KIF21A: variants seen among roughly 807,000 people sequenced by gnomAD.
The protein encoded by KIF21A is kinesin family member 21A, also known as kinesin-like protein KIF21A.
A neutral mutation model predicts 202.9 loss-of-function variants in KIF21A; 114 were observed. The ratio of observed to expected loss-of-function variants is 0.56; its 90% confidence interval spans 0.48 to 0.66. The LOEUF is 0.66. KIF21A is among the 30% of genes least tolerant of loss of function. The pLI, the probability that KIF21A is intolerant of heterozygous loss-of-function variation, is 0.00. For synonymous variants in KIF21A, 667 were observed against 670.8 expected (o/e 0.99, Z 0.09); for missense variants, 1,677 against 1,994.9 (o/e 0.84, Z 3.04).
chr12:39,438,449 A>G (rs1939120667), intron 1 of KIF21A, among the ~76,000 whole-genome samples: 1 of 152,152 alleles, frequency 6.6e-6, no homozygotes, highest in Non-Finnish European at 1.5e-5. Flanking sequence ...CAGCATTGGG[A>G]AAAAGAAAAG....
chr12:39,327,180 G>T (rs1449613745), intron 24 of KIF21A, among the ~76,000 whole-genome samples: 5 of 151,914 alleles, frequency 3.3e-5, no homozygotes, highest in Admixed American at 3.3e-4. Context: ...AATATATAGG[G>T]TTCATCCCCT....
At chr12:39,392,551 G>T (rs577330740) in intron 1 of KIF21A, among the ~76,000 whole-genome samples, 1 of 151,964 alleles carries the variant, frequency 6.6e-6, no homozygotes. Context: ...CCCAGCTCTT[G>T]CACACCCTTT....
At chr12:39,315,302 T>C in intron 30 of KIF21A, 62 bp from the exon 31 acceptor site, 2 of 1,449,654 alleles carry the variant, frequency 1.4e-6, no homozygotes, top group Non-Finnish European at 1.9e-6. Context: ...AGGGAGGACA[T>C]AAAATGATAA....
At chr12:39,307,201 T>A (rs544893150) in intron 34 of KIF21A, among the ~76,000 whole-genome samples, 2 of 152,298 alleles carry the variant, frequency 1.3e-5, no homozygotes, top group South Asian at 4.1e-4. Flanking sequence ...ATATAAGATG[T>A]TTAAACGATG....
At chr12:39,381,634 G>A (rs563493256) in intron 1 of KIF21A, among the ~76,000 whole-genome samples, 1 of 152,258 alleles carries the variant, frequency 6.6e-6, no homozygotes, top group African/African-American at 2.4e-5. Context: ...ACAAGTGACA[G>A]CTCAAAGCCA....
At chr12:39,434,617 C>T (rs756945863) in intron 1 of KIF21A, among the ~76,000 whole-genome samples, 15 of 152,178 alleles carry the variant, frequency 9.9e-5, no homozygotes, top group Non-Finnish European at 1.9e-4. Flanking sequence ...CCATGCAATG[C>T]TCATTTTATT....
intron 37 of KIF21A, among the ~76,000 whole-genome samples, chr12:39,296,467 A>T (rs975623690): frequency 2.6e-5 from 4 of 152,206 alleles, no homozygotes; most frequent in African/African-American, 7.2e-5. Flanking sequence ...CAGACAATAA[A>T]CCATAATAAA....
At chr12:39,433,372 A>G (rs549317317) in intron 1 of KIF21A, among the ~76,000 whole-genome samples, 36 of 152,268 alleles carry the variant, frequency 2.4e-4, no homozygotes, top group Middle Eastern at 6.8e-3. Flanking sequence ...AAAAAAATTT[A>G]TCAAAAAAGT....
At chr12:39,362,431 G>T (rs1949306580) in intron 7 of KIF21A, among the ~76,000 whole-genome samples, 1 of 151,904 alleles carries the variant, frequency 6.6e-6, no homozygotes, top group African/African-American at 2.4e-5. Flanking sequence ...TGCTATGATT[G>T]AATTTAAATC....
At chr12:39,348,644 C>T (rs2138599929) in intron 11 of KIF21A, among the ~76,000 whole-genome samples, 1 of 151,988 alleles carries the variant, frequency 6.6e-6, no homozygotes, top group South Asian at 2.1e-4. Context: ...AATTAAAAGA[C>T]ACAGAGCTTC....
chr12:39,309,341 C>T (rs1478070440), intron 33 of KIF21A, among the ~76,000 whole-genome samples: 1 of 151,964 alleles, frequency 6.6e-6, no homozygotes, highest in Non-Finnish European at 1.5e-5. Flanking sequence ...GAAATGTATA[C>T]TTAGTCACCG....
At chr12:39,331,640 A>G in intron 22 of KIF21A, 50 bp downstream of exon 22, 1 of 1,173,420 alleles carries the variant, frequency 8.5e-7, no homozygotes, top group Non-Finnish European at 1.3e-6. Flanking sequence ...TAAAACTACA[A>G]TGAATTAGTC....
At chr12:39,346,067 A>T (rs1222565285) in intron 12 of KIF21A, among the ~76,000 whole-genome samples, 2 of 152,170 alleles carry the variant, frequency 1.3e-5, no homozygotes, top group East Asian at 1.9e-4. Flanking sequence ...AGCATGTGCT[A>T]CAACAAAATG....
At chr12:39,301,785 G>C in intron 36 of KIF21A, 106 bp from the exon 37 acceptor site, 2 of 954,728 alleles carry the variant, frequency 2.1e-6, no homozygotes, top group Non-Finnish European at 3.3e-6. Flanking sequence ...TTGATATTTG[G>C]AATTGGCTGG....
intron 27 of KIF21A, chr12:39,321,940 T>C (rs1036336838): frequency 1.3e-5 from 2 of 152,160 alleles, no homozygotes; most frequent in African/African-American, 2.4e-5. Flanking sequence ...GGTACACATA[T>C]GTACACACAC....
chr12:39,408,625 G>A (rs1003610791), intron 1 of KIF21A, among the ~76,000 whole-genome samples: 1 of 152,154 alleles, frequency 6.6e-6, no homozygotes, highest in Non-Finnish European at 1.5e-5. Context: ...TAGCAGCTTG[G>A]ACAAAGAAGA....
chr12:39,396,106 C>CG (rs1216683273), intron 1 of KIF21A, among the ~76,000 whole-genome samples: 1 of 152,080 alleles, frequency 6.6e-6, no homozygotes, highest in Non-Finnish European at 1.5e-5. Flanking sequence ...ACCTGACCTC[C>CG]GGACCAGTGA....
intron 1 of KIF21A, among the ~76,000 whole-genome samples, chr12:39,433,845 T>G (rs73094416): frequency 0.01 from 1,582 of 152,240 alleles, 36 homozygotes; most frequent in African/African-American, 0.034. Flanking sequence ...AGAATAAGGA[T>G]CTTGGAAGTA....
At position 39,351,764 on chromosome 12, in the gene KIF21A, T is replaced by C. The variant is rs1391673968; in HGVS notation, c.1673+13A>G. 1.4e-6 allele frequency: 2 copies of C among 1,481,226 alleles called. No homozygotes were observed. Among genetic ancestry groups the C allele is most frequent in the African/African-American group, 1.4e-5 (1 of 72,266 alleles). 91.8% of individuals were successfully genotyped at this position (1,481,226 alleles called of 1,614,324 possible). ...AAATAGAGATTCATTTAGTGGTGAT[T>C]TTATAATCCCACCTTTTTTTCTTCC... On this transcript the variant is annotated intron_variant, in intron 11 of 37. Coordinates refer to ENST00000361418, the MANE Select transcript of KIF21A (RefSeq NM_001173464.2).
Sources: allele counts gnomAD v4.1 joint callset (sites outside exome capture counted in the v4.1 genomes callset), GRCh38; gene constraint gnomAD v4.1.1; transcripts MANE v1.5; gene names NCBI Gene and HGNC (gene_info 2026-07-23, HGNC 2026-07-21).